Variants in APBA2 observed in about 807,000 individuals in gnomAD.
The protein encoded by APBA2 is amyloid beta precursor protein binding family A member 2, also known as amyloid-beta A4 precursor protein-binding family A member 2.
APBA2 carries 30 observed loss-of-function variants against 75.0 expected under a neutral mutation model. That is an observed-to-expected ratio of 0.40 (90% CI 0.30 to 0.54). APBA2 has a LOEUF of 0.54. Among genes scored for constraint, APBA2 ranks in the 20% least tolerant of loss-of-function variants. APBA2 has a pLI of 0.49. For missense variants in APBA2, 801 were observed against 1,016.1 expected (o/e 0.79, Z 2.88); for synonymous variants, 444 against 409.6 (o/e 1.08, Z -1.01).
At chr15:28,897,827 G>T (rs2032600558) in intron 1 of APBA2, among the ~76,000 whole-genome samples, 1 of 152,064 alleles carries the variant, frequency 6.6e-6, no homozygotes, top group Admixed American at 6.5e-5. Flanking sequence ...ATGGGCATAT[G>T]GGCATTAGTG....
At chr15:29,026,900 G>C (rs1476821974) in intron 3 of APBA2, among the ~76,000 whole-genome samples, 1 of 152,132 alleles carries the variant, frequency 6.6e-6, no homozygotes, top group African/African-American at 2.4e-5. Context: ...CAGCCTGGGC[G>C]ACAGAGCAAG....
intron 3 of APBA2, among the ~76,000 whole-genome samples, chr15:29,023,281 G>T (rs1370630409): frequency 2.0e-5 from 3 of 151,882 alleles, no homozygotes; most frequent in Admixed American, 2.0e-4. Flanking sequence ...AATTTACAGG[G>T]GATACTTTTA....
rs542180784 is a variant in APBA2 at position 29,103,556 on chromosome 15, C to T, written c.1524+1772C>T. On this transcript the variant is annotated intron_variant, in intron 10 of 14. Coordinates refer to ENST00000683413, the MANE Select transcript of APBA2 (RefSeq NM_001353788.2). ...CCGGCGTGGAGTGACGGGGAGGCGG[C>T]GGCTGGCGGCACACCAGCGGCCCAG... Among the ~76,000 whole-genome samples, 6 of 152,334 alleles carry T rather than the reference C, an allele frequency of 3.9e-5. No individual in the cohort carries two copies. In the South Asian group the frequency reaches 1.2e-3, roughly 32 times the overall value.
chr15:29,040,585 G>C (rs1353535825), intron 3 of APBA2, among the ~76,000 whole-genome samples: 1 of 152,144 alleles, frequency 6.6e-6, no homozygotes, highest in African/African-American at 2.4e-5. Context: ...CACAGCAAAG[G>C]GTTTTGAAAC....
intron 2 of APBA2, among the ~76,000 whole-genome samples, chr15:28,944,134 G>A (rs984272724): frequency 1.3e-5 from 2 of 152,204 alleles, no homozygotes; most frequent in African/African-American, 4.8e-5. Context: ...GAGTATTGCT[G>A]ATGGCTGCGA....
chr15:29,052,066 T>A lies in APBA2; in HGVS notation c.-40-1779T>A, dbSNP rs59542745. ...ACTGGACTACTGGAATATGTTTTTT[T>A]AAATAATTGAACTATCATGCAAGCA... On this transcript the variant is annotated intron_variant, in intron 3 of 14. Transcript: ENST00000683413. Among the ~76,000 whole-genome samples, 932 of 152,302 alleles carry A rather than the reference T, an allele frequency of 6.1e-3. 7 individuals are homozygous for A. The highest frequency in any genetic ancestry group is 0.021 in the African/African-American group (856 of 41,550).
chr15:28,932,615 TG>T (rs1253253514), intron 2 of APBA2, among the ~76,000 whole-genome samples: 2 of 152,222 alleles, frequency 1.3e-5, no homozygotes, highest in Non-Finnish European at 2.9e-5. Flanking sequence ...CATAGGGGGT[TG>T]GTCCCATCTC....
At chr15:28,900,820 C>T (rs2032804944) in intron 1 of APBA2, among the ~76,000 whole-genome samples, 1 of 152,146 alleles carries the variant, frequency 6.6e-6, no homozygotes, top group Non-Finnish European at 1.5e-5. Flanking sequence ...GAGAGGCAGG[C>T]ACTCACTCAT....
At chr15:29,116,576 C>A (rs547784146) in intron 14 of APBA2, among the ~76,000 whole-genome samples, 1 of 149,972 alleles carries the variant, frequency 6.7e-6, no homozygotes, top group South Asian at 2.1e-4. Context: ...TGCAGTGAGC[C>A]GAGATTGCAC....
Position 29,117,480 on chromosome 15 carries a change from G to T in APBA2, c.*347G>T, listed in dbSNP as rs1328877501. ...CCCTGAAGCTGTGCGGAGCGAACTG[G>T]CGCCTCCGAGGGACGCGGCTCCCGG... On this transcript the variant is annotated 3_prime_UTR_variant, in exon 15 of 15. Transcript: ENST00000683413. The T allele has an allele frequency of 2.7e-5, 9 of 327,910 alleles. No homozygotes were observed. Among genetic ancestry groups the T allele is most frequent in the Non-Finnish European group, 4.0e-5 (7 of 173,986 alleles). The allele number at this position is 327,910 out of a possible 1,614,324, so 20.3% of individuals were successfully genotyped here. A position where few individuals can be genotyped will look rare whatever the true frequency, so the allele number is the denominator to read the frequency against.
In APBA2 at chr15:28,921,910, T is replaced by A. The variant is rs139495220; in HGVS notation, c.-95+161T>A. On this transcript the variant is annotated intron_variant, in intron 2 of 14. Coordinates refer to ENST00000683413, the MANE Select transcript of APBA2 (RefSeq NM_001353788.2). ...ACACAGCTACGGTAAATATTTTTGC[T>A]TTCTGCTTTCACAAACTTCACATAC... 5.9e-5 allele frequency among the ~76,000 whole-genome samples: 9 copies of A among 152,376 alleles called. No individual in the cohort carries two copies. The East Asian group carries it at 1.7e-3, about 29-fold the overall frequency.
intron 3 of APBA2, among the ~76,000 whole-genome samples, chr15:29,020,471 C>T (rs959039205): frequency 6.6e-6 from 1 of 151,560 alleles, no homozygotes; most frequent in Non-Finnish European, 1.5e-5. Context: ...AAAAGCTGTA[C>T]ACATTTTTTT....
chr15:28,931,011 C>T (rs1349569598), intron 2 of APBA2, among the ~76,000 whole-genome samples: 1 of 152,202 alleles, frequency 6.6e-6, no homozygotes, highest in Non-Finnish European at 1.5e-5. Context: ...TCGGGTGCCG[C>T]GTCCGCAGAC....
At chr15:28,927,578 T>C (rs892938129) in intron 2 of APBA2, among the ~76,000 whole-genome samples, 5 of 151,732 alleles carry the variant, frequency 3.3e-5, no homozygotes, top group Admixed American at 6.6e-5. Context: ...CCCCAACCCA[T>C]TATTATTATT....
intron 2 of APBA2, among the ~76,000 whole-genome samples, chr15:28,925,572 G>A (rs1478336110): frequency 1.3e-5 from 2 of 152,240 alleles, no homozygotes; most frequent in African/African-American, 2.4e-5. Flanking sequence ...TACTTGTTAA[G>A]GTGTACTTCA....
chr15:29,054,055 G>A lies in APBA2; in HGVS notation c.171G>A (p.Ala57=), dbSNP rs145094576. 47 of 1,613,776 alleles carry A rather than the reference G, an allele frequency of 2.9e-5. No individual in the cohort carries two copies. Among genetic ancestry groups the A allele is most frequent in the Non-Finnish European group, 3.5e-5 (41 of 1,180,028 alleles). ...CTGCCCTGCGGCCAGAGAGCCCCGC[G>A]CCAGAGGAACAGGAGTGCCACAACC... ...ELAALRPESP[A]PEEQECHNHS... Residue 57 remains alanine (A), a synonymous_variant, in exon 4 of 15, where the codon GCG becomes GCA. Coordinates refer to ENST00000683413, the MANE Select transcript of APBA2 (RefSeq NM_001353788.2). The surrounding 1 kb of genome is among the most constrained non-coding windows in gnomAD (Gnocchi z 6.1).
intron 4 of APBA2, among the ~76,000 whole-genome samples, chr15:29,056,876 A>G (rs1054375009): frequency 1.3e-5 from 2 of 151,964 alleles, no homozygotes; most frequent in Non-Finnish European, 2.9e-5. Context: ...AAACCTGACC[A>G]GAAAGAGCCG....
At chr15:29,016,888 T>C (rs76846075) in intron 3 of APBA2, among the ~76,000 whole-genome samples, 5,467 of 152,252 alleles carry the variant, frequency 0.036, 330 homozygotes, top group African/African-American at 0.13. Flanking sequence ...TCTTCCTTTT[T>C]TATCTTCAGA....
intron 2 of APBA2, among the ~76,000 whole-genome samples, chr15:28,942,761 C>A (rs1455715783): frequency 6.6e-6 from 1 of 152,210 alleles, no homozygotes; most frequent in Admixed American, 6.5e-5. Context: ...CTGTTGGAGA[C>A]TCCCAGGTGT....
Sources: gnomAD v4.1 joint callset for allele counts (sites outside exome capture counted in the v4.1 genomes callset) on GRCh38, gnomAD v4.1.1 for gene constraint, Gnocchi (gnomAD v3.1) non-coding constraint, MANE v1.5 for transcripts, NCBI Gene and HGNC (gene_info 2026-07-23, HGNC 2026-07-21) for gene names.